PCDH11X: variants seen among roughly 807,000 people sequenced by gnomAD.
The protein encoded by PCDH11X is protocadherin 11 X-linked, also known as protocadherin-11 X-linked.
PCDH11X carries 18 observed loss-of-function variants against 53.3 expected under a neutral mutation model. That is an observed-to-expected ratio of 0.34 (90% CI 0.23 to 0.50). PCDH11X has a LOEUF of 0.50. PCDH11X is among the 20% of genes least tolerant of loss of function. The probability of loss-of-function intolerance (pLI) is 0.98; values close to 1 mark genes in which losing one functional copy is unlikely to be tolerated. For synonymous variants in PCDH11X, 279 were observed against 393.3 expected, an observed-to-expected ratio of 0.71 and a Z score of 3.44; for missense variants, 570 against 1,032.4, an observed-to-expected ratio of 0.55 and a Z score of 6.14.
At chrX:91,842,199 C>A (rs1470308558) in intron 5 of PCDH11X, among the ~76,000 whole-genome samples, 1 of 110,341 alleles carries the variant, frequency 9.1e-6, no homozygotes, top group Non-Finnish European at 1.9e-5. Flanking sequence ...ATTAAATAAT[C>A]TAGTAGCCTA....
intron 8 of PCDH11X, among the ~76,000 whole-genome samples, chrX:92,373,338 G>T (rs1289810000): frequency 1.8e-5 from 2 of 110,978 alleles, no homozygotes; most frequent in African/African-American, 6.6e-5. Context: ...AGATAAGGTT[G>T]GTTTAACAAA....
chrX:91,912,425 A>G (rs888148513), intron 6 of PCDH11X, among the ~76,000 whole-genome samples: 7 of 111,090 alleles, frequency 6.3e-5, no homozygotes, highest in Non-Finnish European at 1.3e-4. Context: ...AATTTTTATT[A>G]TGTTGAGGTA....
intron 6 of PCDH11X, among the ~76,000 whole-genome samples, chrX:92,056,361 C>T (rs2063449575): frequency 9.0e-6 from 1 of 111,391 alleles, no homozygotes; most frequent in Non-Finnish European, 1.9e-5. Flanking sequence ...ATGTCCTTTG[C>T]TCACTTTTTA....
intron 10 of PCDH11X, among the ~76,000 whole-genome samples, chrX:92,490,604 G>A (rs2073738416): frequency 9.1e-6 from 1 of 110,001 alleles, no homozygotes; most frequent in Non-Finnish European, 1.9e-5. Flanking sequence ...AGAGACCATG[G>A]TTCTCTATGT....
intron 10 of PCDH11X, among the ~76,000 whole-genome samples, chrX:92,585,616 C>T (rs1376254366): frequency 2.7e-5 from 3 of 109,694 alleles, no homozygotes; most frequent in South Asian, 3.9e-4. Context: ...ATGATCCACC[C>T]GCCTCGGCCT....
chrX:91,995,972 C>T (rs2062412399), intron 6 of PCDH11X, among the ~76,000 whole-genome samples: 1 of 106,180 alleles, frequency 9.4e-6, no homozygotes, highest in Admixed American at 1.0e-4. Context: ...GCCTCAGCCT[C>T]CCAAGTAGCT....
intron 9 of PCDH11X, among the ~76,000 whole-genome samples, chrX:92,426,781 A>C (rs866955351): frequency 1.2e-4 from 13 of 110,976 alleles, no homozygotes; most frequent in African/African-American, 3.9e-4. Flanking sequence ...ATACTAGAGG[A>C]AATAGTATAA....
At chrX:92,482,108 A>G (rs2073521157) in intron 10 of PCDH11X, among the ~76,000 whole-genome samples, 2 of 104,234 alleles carry the variant, frequency 1.9e-5, no homozygotes, top group Non-Finnish European at 2.0e-5. Flanking sequence ...GGCTGCTTCT[A>G]GTTGGCCATC....
chrX:92,179,877 C>T (rs1016501017), intron 6 of PCDH11X, among the ~76,000 whole-genome samples: 2 of 111,816 alleles, frequency 1.8e-5, no homozygotes, highest in Admixed American at 1.9e-4. Context: ...TTACCATATT[C>T]AGTGATCAGT....
intron 6 of PCDH11X, among the ~76,000 whole-genome samples, chrX:92,008,078 G>A (rs1010300571): frequency 1.8e-5 from 2 of 110,975 alleles, no homozygotes; most frequent in Non-Finnish European, 3.8e-5. Flanking sequence ...GAAGAAAGGG[G>A]TGTCTTTCAG....
At position 92,621,371 on chromosome X, in the gene PCDH11X, T is replaced by C. The variant is rs930080663; in HGVS notation, c.*2431T>C. 9.1e-6 allele frequency: 1 copy of C among 110,074 alleles called. No individual in the cohort carries two copies. The highest frequency in any genetic ancestry group is 3.3e-5 in the African/African-American group (1 of 30,145). The allele number at this position is 110,074 out of a possible 1,213,427, so 9.1% of individuals were successfully genotyped here. A position where few individuals can be genotyped will look rare whatever the true frequency, so the allele number is the denominator to read the frequency against. ...GAAACTTGTGACGTTTTGACACCTTTCCTATAGATGATATAGGAATGAACC... is the reference window on the plus strand; with the variant it reads ...GAAACTTGTGACGTTTTGACACCTTCCCTATAGATGATATAGGAATGAACC... On this transcript the variant is annotated 3_prime_UTR_variant, in exon 11 of 11. Coordinates refer to ENST00000682573, the MANE Select transcript of PCDH11X (RefSeq NM_032968.5).
chrX:92,398,127 T>C (rs1384579760), intron 9 of PCDH11X, among the ~76,000 whole-genome samples: 1 of 112,119 alleles, frequency 8.9e-6, no homozygotes, highest in Non-Finnish European at 1.9e-5. Flanking sequence ...ATATCTGAAA[T>C]CCAAATATCA....
chrX:91,982,123 CA>C (rs770092557), intron 6 of PCDH11X, among the ~76,000 whole-genome samples: 1 of 110,730 alleles, frequency 9.0e-6, no homozygotes, highest in South Asian at 3.9e-4. Context: ...CTCTCCACCC[CA>C]AAATGGCACA....
chrX:92,129,894 G>C (rs772756196), intron 6 of PCDH11X, among the ~76,000 whole-genome samples: 48 of 111,483 alleles, frequency 4.3e-4, no homozygotes, highest in African/African-American at 1.4e-3. Flanking sequence ...TGGGGGTAGT[G>C]TGTTTTTAAC....
chrX:92,105,530 AAG>A lies in PCDH11X; in HGVS notation c.3034-95840_3034-95839del, dbSNP rs2064361649. On this transcript the variant is annotated intron_variant, in intron 6 of 10. Coordinates refer to ENST00000682573, the MANE Select transcript of PCDH11X (RefSeq NM_032968.5). ...TGGGTGCAGGCGGGCTGAGTCGGAA[AAG>A]AGAGTCAGCGAAGGGAGATAGGGGT... Among the ~76,000 whole-genome samples, 13 of 109,753 alleles carry A rather than the reference AAG, an allele frequency of 1.2e-4. No homozygotes were observed. In the South Asian group the frequency reaches 4.8e-3, roughly 40 times the overall value.
intron 10 of PCDH11X, among the ~76,000 whole-genome samples, chrX:92,591,480 G>A (rs957157596): frequency 4.5e-5 from 5 of 110,770 alleles, no homozygotes; most frequent in Admixed American, 9.6e-5. Flanking sequence ...GAGGGGTACC[G>A]CAGAATAGAA....
chrX:92,397,176 A>G (rs1261654133), intron 9 of PCDH11X, among the ~76,000 whole-genome samples: 1 of 68,001 alleles, frequency 1.5e-5, no homozygotes, highest in Non-Finnish European at 2.7e-5. Context: ...CATGTAAAAA[A>G]AACAGTGAGT....
At chrX:92,210,811 A>T (rs1371631722) in intron 7 of PCDH11X, among the ~76,000 whole-genome samples, 1 of 111,533 alleles carries the variant, frequency 9.0e-6, no homozygotes, top group Non-Finnish European at 1.9e-5. Context: ...CTCTTTGCCA[A>T]AGCATAGCAA....
chrX:92,077,866 C>CA (rs2063799372), intron 6 of PCDH11X, among the ~76,000 whole-genome samples: 1 of 109,968 alleles, frequency 9.1e-6, no homozygotes, highest in African/African-American at 3.3e-5. Context: ...TTTTTGACCT[C>CA]CCAAAACTTA....
Sources: gnomAD v4.1 joint callset for allele counts (sites outside exome capture counted in the v4.1 genomes callset) on GRCh38, gnomAD v4.1.1 for gene constraint, MANE v1.5 for transcripts, NCBI Gene and HGNC (gene_info 2026-07-23, HGNC 2026-07-21) for gene names.